RHBDD1: variants seen among roughly 807,000 people sequenced by gnomAD.
RHBDD1 encodes the protein rhomboid domain containing 1.
RHBDD1 carries 38 observed loss-of-function variants against 36.3 expected under a neutral mutation model. That is an observed-to-expected ratio of 1.05 (90% CI 0.81 to 1.37). The LOEUF is 1.37. Ranked by LOEUF, RHBDD1 falls within the 40% of genes most tolerant of loss-of-function variation. The pLI, the probability that RHBDD1 is intolerant of heterozygous loss-of-function variation, is 0.00. For synonymous variants in RHBDD1, 151 were observed against 136.5 expected (o/e 1.11, Z -0.74); for missense variants, 393 against 377.6 (o/e 1.04, Z -0.34).
intron 5 of RHBDD1, among the ~76,000 whole-genome samples, chr2:226,881,639 G>T (rs1295935324): frequency 6.6e-6 from 1 of 152,156 alleles, no homozygotes; most frequent in African/African-American, 2.4e-5. Flanking sequence ...ATTTTCATGT[G>T]TCTTTATACA....
At chr2:226,840,266 A>T (rs1941464129) in intron 3 of RHBDD1, among the ~76,000 whole-genome samples, 1 of 152,204 alleles carries the variant, frequency 6.6e-6, no homozygotes, top group African/African-American at 2.4e-5. Context: ...AAAATCTATC[A>T]AATTTCTGGG....
chr2:226,889,165 G>C (rs954108843), intron 5 of RHBDD1, among the ~76,000 whole-genome samples: 3 of 152,154 alleles, frequency 2.0e-5, no homozygotes, highest in African/African-American at 7.2e-5. Flanking sequence ...ATGGTTTGTC[G>C]TGGTATTTCC....
At position 226,871,944 on chromosome 2, in the gene RHBDD1, A is replaced by G. The variant is rs562037629; in HGVS notation, c.566+4626A>G. On this transcript the variant is annotated intron_variant, in intron 5 of 8. Transcript: ENST00000392062. ...AAGTACTATATGAGGTGACACTTGG[A>G]CATCATGCGGATAACTTGTTTCCAG... Among the ~76,000 whole-genome samples, 3 of 152,334 alleles carry G rather than the reference A, an allele frequency of 2.0e-5. No homozygotes were observed. The South Asian group carries it at 6.2e-4, about 32-fold the overall frequency.
chr2:226,822,589 G>A, the RHBDD1 span, among the ~76,000 whole-genome samples: 2 of 149,526 alleles, frequency 1.3e-5, no homozygotes, highest in East Asian at 2.0e-4. Flanking sequence ...AGCCGAGATC[G>A]TGCCACTGCA....
intron 8 of RHBDD1, among the ~76,000 whole-genome samples, chr2:226,937,503 G>A (rs1389081401): frequency 6.6e-6 from 1 of 152,028 alleles, no homozygotes; most frequent in African/African-American, 2.4e-5. Context: ...GTAAACGTGT[G>A]TCATGGAGGT....
intron 3 of RHBDD1, among the ~76,000 whole-genome samples, chr2:226,852,091 C>G (rs750465870): frequency 6.6e-6 from 1 of 152,180 alleles, no homozygotes; most frequent in Non-Finnish European, 1.5e-5. Context: ...TGTAAACACT[C>G]TGAATCAATC....
chr2:226,974,445 G>C (rs1954182635), intron 8 of RHBDD1, among the ~76,000 whole-genome samples: 1 of 152,016 alleles, frequency 6.6e-6, no homozygotes, highest in African/African-American at 2.4e-5. Flanking sequence ...CACCGTGTTA[G>C]CCAGGATGGT....
At chr2:226,975,353 A>G (rs1018260806) in intron 8 of RHBDD1, among the ~76,000 whole-genome samples, 1 of 152,178 alleles carries the variant, frequency 6.6e-6, no homozygotes, top group Non-Finnish European at 1.5e-5. Context: ...AACTTATACA[A>G]TTTTATTTGT....
At chr2:226,825,159 A>C in the RHBDD1 span, among the ~76,000 whole-genome samples, 1 of 152,280 alleles carries the variant, frequency 6.6e-6, no homozygotes, top group Non-Finnish European at 1.5e-5. Flanking sequence ...AGAATTTAGG[A>C]GGGGTGGTTT....
At chr2:226,820,122 T>C in the RHBDD1 span, among the ~76,000 whole-genome samples, 1 of 152,156 alleles carries the variant, frequency 6.6e-6, no homozygotes, top group Admixed American at 6.5e-5. Context: ...ACTAGTTACT[T>C]TGTTTCTGTA....
intron 8 of RHBDD1, among the ~76,000 whole-genome samples, chr2:226,931,289 T>C (rs546068046): frequency 2.1e-4 from 32 of 152,178 alleles, no homozygotes; most frequent in African/African-American, 7.5e-4. Flanking sequence ...ATATACACCA[T>C]GGAATGCTAC....
At chr2:226,898,114 T>A (rs1559245504) in intron 5 of RHBDD1, among the ~76,000 whole-genome samples, 1 of 152,180 alleles carries the variant, frequency 6.6e-6, no homozygotes. Context: ...CATGACCCAG[T>A]CACCTCCCAT....
At chr2:226,847,104 G>T (rs1029230459) in intron 3 of RHBDD1, among the ~76,000 whole-genome samples, 4 of 152,184 alleles carry the variant, frequency 2.6e-5, no homozygotes, top group African/African-American at 9.7e-5. Flanking sequence ...GTGAATTTCT[G>T]TGCAGTTTGC....
intron 8 of RHBDD1, chr2:226,988,252 A>G: frequency 7.5e-7 from 1 of 1,335,342 alleles, no homozygotes. Context: ...AGTAGGACTC[A>G]TATCAGGGCC....
At chr2:226,989,126 C>T (rs1342891481) in intron 8 of RHBDD1, among the ~76,000 whole-genome samples, 1 of 152,238 alleles carries the variant, frequency 6.6e-6, no homozygotes. Context: ...GACTCAGCCA[C>T]TGACCAGCTA....
At chr2:226,992,606 G>A (rs1444268154) in intron 8 of RHBDD1, among the ~76,000 whole-genome samples, 2 of 152,214 alleles carry the variant, frequency 1.3e-5, no homozygotes, top group Non-Finnish European at 2.9e-5. Context: ...GAACTTTAGA[G>A]TTACGTCTTT....
chr2:226,969,810 T>C (rs1394179143), intron 8 of RHBDD1, among the ~76,000 whole-genome samples: 1 of 152,216 alleles, frequency 6.6e-6, no homozygotes, highest in African/African-American at 2.4e-5. Flanking sequence ...TAGTAGACTC[T>C]CATTCTTCAT....
rs546102644 is a variant in RHBDD1 at position 226,938,070 on chromosome 2, G to A, written c.856+23719G>A. On this transcript the variant is annotated intron_variant, in intron 8 of 8. Coordinates refer to ENST00000392062, the MANE Select transcript of RHBDD1 (RefSeq NM_001167608.3). ...TTACATTCCCACCAACAGTGTAAAAGCATTCCTTTTTCTCCACAATCTCGC... is the reference window on the plus strand; with the variant it reads ...TTACATTCCCACCAACAGTGTAAAAACATTCCTTTTTCTCCACAATCTCGC... Among the ~76,000 whole-genome samples, 3 of 152,234 alleles carry A rather than the reference G, an allele frequency of 2.0e-5. No homozygotes were observed. The East Asian group carries it at 5.8e-4, about 29-fold the overall frequency.
chr2:226,805,011 G>T, the RHBDD1 span: 2 of 152,468 alleles, frequency 1.3e-5, no homozygotes, highest in South Asian at 4.0e-4. Context: ...GACAGAGTGA[G>T]ACTTTGTCTC....
Sources: allele counts gnomAD v4.1 joint callset (sites outside exome capture counted in the v4.1 genomes callset), GRCh38; gene constraint gnomAD v4.1.1; transcripts MANE v1.5; gene names NCBI Gene and HGNC (gene_info 2026-07-23, HGNC 2026-07-21).